The following KPNA7 variants were observed in gnomAD, a reference collection of about 807,000 sequenced individuals.
KPNA7 encodes karyopherin subunit alpha 7.
A neutral mutation model predicts 53.7 loss-of-function variants in KPNA7; 54 were observed. The observed-to-expected ratio is 1.01, with a 90% confidence interval of 0.81 to 1.26. The LOEUF (loss-of-function observed/expected upper bound fraction) is 1.26, where lower values mean the gene tolerates loss of function less well. Among genes scored for constraint, KPNA7 ranks in the 50% most tolerant of loss-of-function variants. The pLI, the probability that KPNA7 is intolerant of heterozygous loss-of-function variation, is 0.00. For synonymous variants in KPNA7, 276 were observed against 259.3 expected (o/e 1.06, Z -0.62); for missense variants, 640 against 644.5 (o/e 0.99, Z 0.07).
At chr7:99,188,827 G>T (rs538971686) in intron 6 of KPNA7, among the ~76,000 whole-genome samples, 1 of 151,968 alleles carries the variant, frequency 6.6e-6, no homozygotes, top group African/African-American at 2.4e-5. Context: ...ACAGGTGCCC[G>T]CCACCACACA....
intron 3 of KPNA7, among the ~76,000 whole-genome samples, chr7:99,198,529 C>T (rs1790345350): frequency 6.6e-6 from 1 of 151,634 alleles, no homozygotes; most frequent in African/African-American, 2.4e-5. Context: ...GGGGGGGAAC[C>T]CACATGATCA....
At chr7:99,188,634 C>CCT in intron 6 of KPNA7, 71 bp from the exon 7 acceptor site, 16 of 1,417,516 alleles carry the variant, frequency 1.1e-5, no homozygotes, top group Non-Finnish European at 1.5e-5. Flanking sequence ...GTGTTCTTAC[C>CCT]ATTTCCAATC....
chr7:99,210,071 A>T (rs1432547572), upstream of KPNA7, among the ~76,000 whole-genome samples: 1 of 152,074 alleles, frequency 6.6e-6, no homozygotes. Flanking sequence ...TGCTTAAAAA[A>T]ACTCTCCTGG....
At chr7:99,218,659 G>T (rs1420375009) in intron 1 of KPNA7, among the ~76,000 whole-genome samples, 2 of 152,204 alleles carry the variant, frequency 1.3e-5, no homozygotes, top group African/African-American at 4.8e-5. Flanking sequence ...ACCTAGCACA[G>T]TGTCTCTAAA....
chr7:99,209,957 G>A (rs944862850), upstream of KPNA7, among the ~76,000 whole-genome samples: 5 of 151,910 alleles, frequency 3.3e-5, no homozygotes, highest in East Asian at 1.9e-4. Flanking sequence ...AGTGAGCCAC[G>A]ATTGCACCAC....
the KPNA7 span, among the ~76,000 whole-genome samples, chr7:99,157,062 C>T: frequency 6.6e-6 from 1 of 152,028 alleles, no homozygotes; most frequent in South Asian, 2.1e-4. Context: ...GAGAGTGTTC[C>T]TTTTTCATGG....
At chr7:99,173,318 A>G (rs1323067910), downstream of KPNA7, among the ~76,000 whole-genome samples, 1 of 151,888 alleles carries the variant, frequency 6.6e-6, no homozygotes, top group Non-Finnish European at 1.5e-5. Flanking sequence ...CAGCCTCCCA[A>G]ATAGCTGGAA....
chr7:99,180,122 C>T (rs554947704), intron 9 of KPNA7, among the ~76,000 whole-genome samples: 10 of 152,128 alleles, frequency 6.6e-5, no homozygotes, highest in South Asian at 2.1e-4. Flanking sequence ...AGCCAGCTGC[C>T]GTGATGTGAG....
At chr7:99,178,822 G>A (rs1054833507) in intron 9 of KPNA7, among the ~76,000 whole-genome samples, 42 of 132,510 alleles carry the variant, frequency 3.2e-4, no homozygotes, top group Admixed American at 8.6e-4. Flanking sequence ...TCGCTCTATC[G>A]CCCAGGCTGG....
At chr7:99,169,134 GAC>G (rs1197742807), downstream of KPNA7, among the ~76,000 whole-genome samples, 1 of 151,836 alleles carries the variant, frequency 6.6e-6, no homozygotes, top group Non-Finnish European at 1.5e-5. Flanking sequence ...CCAGCCTGGC[GAC>G]AGAGAGACTC....
intron 10 of KPNA7, among the ~76,000 whole-genome samples, chr7:99,177,487 A>G (rs1798948150): frequency 1.3e-5 from 2 of 150,870 alleles, no homozygotes; most frequent in Admixed American, 1.3e-4. Flanking sequence ...AGGCTCAAGA[A>G]TCAACTGAAT....
intron 6 of KPNA7, among the ~76,000 whole-genome samples, chr7:99,192,672 G>A (rs1022890619): frequency 1.3e-5 from 2 of 152,166 alleles, no homozygotes; most frequent in Non-Finnish European, 2.9e-5. Context: ...GGCCTAGCAA[G>A]CACTGGAATC....
chr7:99,190,788 C>G (rs553351200), intron 6 of KPNA7, among the ~76,000 whole-genome samples: 4 of 151,866 alleles, frequency 2.6e-5, no homozygotes, highest in Non-Finnish European at 4.4e-5. Flanking sequence ...GCTGGGACTA[C>G]AGACACGTGC....
At chr7:99,212,815 C>G (rs532778955), upstream of KPNA7, among the ~76,000 whole-genome samples, 80 of 151,954 alleles carry the variant, frequency 5.3e-4, no homozygotes, top group Admixed American at 1.2e-3. Context: ...CGCCTGAGCC[C>G]CAGAAATCAA....
intron 3 of KPNA7, among the ~76,000 whole-genome samples, chr7:99,201,063 T>C (rs1331010947): frequency 6.6e-6 from 1 of 152,212 alleles, no homozygotes; most frequent in Admixed American, 6.5e-5. Flanking sequence ...TGCTACAACA[T>C]GGATGAACTT....
chr7:99,152,324 T>C, the KPNA7 span, among the ~76,000 whole-genome samples: 9 of 144,286 alleles, frequency 6.2e-5, no homozygotes, highest in African/African-American at 2.3e-4. Flanking sequence ...ATTGTGCCAC[T>C]GCACTCCCGA....
At chr7:99,193,360 G>T (rs1790064499) in intron 5 of KPNA7, among the ~76,000 whole-genome samples, 1 of 152,204 alleles carries the variant, frequency 6.6e-6, no homozygotes, top group Non-Finnish European at 1.5e-5. Context: ...TGGGCTGTTG[G>T]CATCTCACAG....
chr7:99,171,174 C>T (rs367775320), downstream of KPNA7, among the ~76,000 whole-genome samples: 7 of 152,096 alleles, frequency 4.6e-5, no homozygotes, highest in African/African-American at 2.4e-5. Flanking sequence ...GAGCCAAGAT[C>T]GTGCCACTGC....
intron 2 of KPNA7, among the ~76,000 whole-genome samples, chr7:99,205,410 CAA>C (rs61410237): frequency 2.0e-4 from 22 of 109,784 alleles, no homozygotes; most frequent in African/African-American, 8.6e-4. Flanking sequence ...GACTCCATCT[CAA>C]AAAAAAAAAA....
Sources: allele counts gnomAD v4.1 joint callset (sites outside exome capture counted in the v4.1 genomes callset), GRCh38; gene constraint gnomAD v4.1.1; transcripts MANE v1.5; gene names NCBI Gene and HGNC (gene_info 2026-07-23, HGNC 2026-07-21).